CDH18: variants seen among roughly 807,000 people sequenced by gnomAD.
CDH18 encodes the protein cadherin-18.
A neutral mutation model predicts 67.9 loss-of-function variants in CDH18; 31 were observed. The observed-to-expected ratio is 0.46, with a 90% CI of 0.34 to 0.62. The LOEUF (loss-of-function observed/expected upper bound fraction) is 0.62, where lower values mean the gene tolerates loss of function less well. Ranked by LOEUF, CDH18 falls within the 20% of genes least tolerant of loss-of-function variation. CDH18 has a pLI of 0.01. For missense variants in CDH18, 890 were observed against 975.5 expected (o/e 0.91, Z 1.17); for synonymous variants, 362 against 347.2 (o/e 1.04, Z -0.48).
At chr5:20,544,660 G>A (rs1757239588) in intron 1 of CDH18, among the ~76,000 whole-genome samples, 1 of 152,038 alleles carries the variant, frequency 6.6e-6, no homozygotes, top group African/African-American at 2.4e-5. Flanking sequence ...ACAGCATGGG[G>A]GAAACCACTC....
Position 19,896,176 on chromosome 5 carries a change from G to A in CDH18, c.-256-56934C>T, listed in dbSNP as rs1789313964. On this transcript the variant is annotated intron_variant, in intron 2 of 12. Transcript: ENST00000382275. ...GTTTGAGACCAGCCTGGCCAACATG[G>A]TGAAACCCCTTCTCTACTAAAAGTA... Among the ~76,000 whole-genome samples, 3 of 152,068 alleles carry A rather than the reference G, an allele frequency of 2.0e-5. No homozygotes were observed. In the South Asian group the frequency reaches 6.2e-4, roughly 32 times the overall value.
intron 2 of CDH18, among the ~76,000 whole-genome samples, chr5:20,218,942 C>T (rs1741000360): frequency 6.6e-6 from 1 of 151,664 alleles, no homozygotes; most frequent in African/African-American, 2.4e-5. Context: ...TTCAAATAAA[C>T]AAGGTGCTGA....
rs557592043 is a variant in CDH18, at chr5:19,590,947, T to C, written c.999+110A>G. The C allele has an allele frequency of 2.1e-5, 12 of 578,122 alleles. No individual in the cohort carries two copies. In the South Asian group the frequency reaches 3.2e-4, roughly 16 times the overall value. 35.8% of individuals were successfully genotyped at this position (578,122 alleles called of 1,614,324 possible). On this transcript the variant is annotated intron_variant, in intron 7 of 12. Coordinates refer to ENST00000382275, the MANE Select transcript of CDH18 (RefSeq NM_004934.5). ...GTAATTATATCGCAAAGTGACAATA[T>C]TTTATCATTTTAATGGCCTGACAGC...
rs963566672 is a variant in CDH18, at chr5:19,537,019, A to G, written c.1390+6850T>C. Among the ~76,000 whole-genome samples, 13 of 152,304 alleles carry G rather than the reference A, an allele frequency of 8.5e-5. 1 individual carries two copies. Among genetic ancestry groups the G allele is most frequent in the South Asian group, 4.1e-4 (2 of 4,824 alleles). ...CTATGGTACTGTGATGGTTAATTTTATGTGTGGACTTGATTGAGCCATGGA... is the reference window on the plus strand; with the variant it reads ...CTATGGTACTGTGATGGTTAATTTTGTGTGTGGACTTGATTGAGCCATGGA... On this transcript the variant is annotated intron_variant, in intron 9 of 12. Coordinates refer to ENST00000382275, the MANE Select transcript of CDH18 (RefSeq NM_004934.5).
chr5:20,013,277 T>A (rs1219273479), intron 2 of CDH18, among the ~76,000 whole-genome samples: 1 of 152,064 alleles, frequency 6.6e-6, no homozygotes, highest in Admixed American at 6.6e-5. Context: ...TTATTTGTTG[T>A]TTTTTAAGAG....
At chr5:19,691,212 A>G (rs1761831055) in intron 5 of CDH18, among the ~76,000 whole-genome samples, 1 of 151,778 alleles carries the variant, frequency 6.6e-6, no homozygotes, top group Non-Finnish European at 1.5e-5. Context: ...TAAAATTAAC[A>G]TTCCTAACAT....
chr5:19,482,201 C>T (rs910579152), intron 12 of CDH18, among the ~76,000 whole-genome samples: 2 of 151,868 alleles, frequency 1.3e-5, no homozygotes, highest in Non-Finnish European at 2.9e-5. Context: ...CTGCCAGCTC[C>T]GCCTCCCAGG....
intron 2 of CDH18, among the ~76,000 whole-genome samples, chr5:20,188,240 A>G (rs1169033329): frequency 2.0e-5 from 3 of 152,034 alleles, no homozygotes; most frequent in African/African-American, 7.2e-5. Context: ...TAAGCATGGT[A>G]ATGAATTAAG....
chr5:20,224,668 T>C (rs1741472813), intron 2 of CDH18, among the ~76,000 whole-genome samples: 1 of 152,136 alleles, frequency 6.6e-6, no homozygotes, highest in Non-Finnish European at 1.5e-5. Context: ...CATAATTAAA[T>C]GCATTCTTTT....
At chr5:20,533,055 G>A (rs987937433) in intron 1 of CDH18, among the ~76,000 whole-genome samples, 5 of 151,904 alleles carry the variant, frequency 3.3e-5, no homozygotes, top group Non-Finnish European at 5.9e-5. Flanking sequence ...CATTAGGTTT[G>A]GCCGTATTAA....
intron 2 of CDH18, among the ~76,000 whole-genome samples, chr5:20,050,699 T>C (rs1428374763): frequency 6.6e-6 from 1 of 151,864 alleles, no homozygotes; most frequent in South Asian, 2.1e-4. Context: ...TGCTTAGCCA[T>C]AGGCAGTTCA....
chr5:19,525,408 T>C (rs534752720), intron 9 of CDH18, among the ~76,000 whole-genome samples: 7 of 151,354 alleles, frequency 4.6e-5, no homozygotes, highest in African/African-American at 1.7e-4. Flanking sequence ...CAGGGTAATA[T>C]CAGTTTCGTC....
chr5:19,900,755 C>CT (rs1199820379), intron 2 of CDH18, among the ~76,000 whole-genome samples: 1 of 151,966 alleles, frequency 6.6e-6, no homozygotes, highest in Non-Finnish European at 1.5e-5. Context: ...TTACTTTTGT[C>CT]TTACTATTTT....
intron 2 of CDH18, among the ~76,000 whole-genome samples, chr5:20,228,895 A>T (rs1741846324): frequency 6.6e-6 from 1 of 152,118 alleles, no homozygotes; most frequent in South Asian, 2.1e-4. Context: ...TGACAGCAAC[A>T]GAATGGACAT....
intron 5 of CDH18, among the ~76,000 whole-genome samples, chr5:19,624,167 C>G (rs1327403183): frequency 6.6e-6 from 1 of 151,824 alleles, no homozygotes; most frequent in Non-Finnish European, 1.5e-5. Flanking sequence ...ACCACCATGC[C>G]CAGCTAATTT....
intron 8 of CDH18, among the ~76,000 whole-genome samples, chr5:19,549,249 A>G (rs1736900739): frequency 6.6e-6 from 1 of 152,094 alleles, no homozygotes; most frequent in East Asian, 1.9e-4. Flanking sequence ...CACTCTCAGT[A>G]GTTCATGCAA....
intron 1 of CDH18, chr5:20,305,588 G>A (rs531284025): frequency 2.2e-5 from 13 of 578,598 alleles, no homozygotes; most frequent in Admixed American, 1.2e-4. Context: ...GTCCTGCGCT[G>A]CGGGCCTCAG....
chr5:19,498,195 T>C (rs1742663272), intron 11 of CDH18, among the ~76,000 whole-genome samples: 1 of 152,184 alleles, frequency 6.6e-6, no homozygotes, highest in Non-Finnish European at 1.5e-5. Context: ...TTATTAATAC[T>C]ATACATCAAA....
intron 1 of CDH18, among the ~76,000 whole-genome samples, chr5:20,506,833 T>A (rs1754691825): frequency 6.6e-6 from 1 of 152,224 alleles, no homozygotes; most frequent in Non-Finnish European, 1.5e-5. Flanking sequence ...CCTTTATTCC[T>A]TTATTTCCTT....
Sources: gnomAD v4.1 joint callset for allele counts (sites outside exome capture counted in the v4.1 genomes callset) on GRCh38, gnomAD v4.1.1 for gene constraint, MANE v1.5 for transcripts, NCBI Gene and HGNC (gene_info 2026-07-23, HGNC 2026-07-21) for gene names.